The following SIPA1L2 variants were observed in gnomAD, a reference collection of about 807,000 sequenced individuals.
The protein encoded by SIPA1L2 is signal-induced proliferation-associated 1-like protein 2.
In SIPA1L2, 56 loss-of-function variants were observed where a neutral mutation model predicts 163.9. The observed-to-expected ratio is 0.34, with a 90% CI of 0.28 to 0.43. The LOEUF is 0.43. Ranked by LOEUF, SIPA1L2 falls within the 20% of genes least tolerant of loss-of-function variation. The pLI, the probability that SIPA1L2 is intolerant of heterozygous loss-of-function variation, is 1.00. For synonymous variants in SIPA1L2, 877 were observed against 865.7 expected (o/e 1.01, Z -0.23); for missense variants, 1,974 against 2,193.5 (o/e 0.90, Z 2.00).
At chr1:232,432,562 A>C in intron 15 of SIPA1L2, 91 bp from the exon 16 acceptor site, 1 of 1,239,646 alleles carries the variant, frequency 8.1e-7, no homozygotes, top group Non-Finnish European at 1.1e-6. Flanking sequence ...GCTTTACTCA[A>C]GTCTTTCTCC....
At chr1:232,429,885 G>C (rs1476513244) in intron 16 of SIPA1L2, among the ~76,000 whole-genome samples, 1 of 152,076 alleles carries the variant, frequency 6.6e-6, no homozygotes, top group Non-Finnish European at 1.5e-5. Context: ...AAAATCCCAG[G>C]TCCTACCAAT....
In SIPA1L2 at chr1:232,445,536, C is replaced by T. The variant is rs1479495880; in HGVS notation, c.3346G>A (p.Gly1116Ser). 7 of 1,613,658 alleles carry T rather than the reference C, an allele frequency of 4.3e-6. No individual in the cohort carries two copies. The highest frequency in any genetic ancestry group is 5.9e-6 in the Non-Finnish European group (7 of 1,179,896). ...STSFDRKLPD[G>S]TRSSPSNQSS... ...AAACGGAACCAGCATTACCTCGTGC[C>T]ATCGGGCAGCTTCCGGTCGAAGGAG... The change falls in exon 11 of 23, where the codon GGC becomes AGC. Residue 1116 changes from glycine to serine, a missense_variant. This residue lies in a region of SIPA1L2 where 1,079 missense variants were observed against 1,150.7 expected (regional missense o/e 0.94). Transcript: ENST00000674635.
At chr1:232,425,880 G>T (rs1661870949) in intron 17 of SIPA1L2, 72 bp from the exon 18 acceptor site, 1 of 1,345,058 alleles carries the variant, frequency 7.4e-7, no homozygotes, top group South Asian at 1.3e-5. Context: ...GTTGGACTAA[G>T]TCCAGTGGTT....
At chr1:232,430,311 A>C (rs1171620589) in intron 16 of SIPA1L2, among the ~76,000 whole-genome samples, 1 of 152,252 alleles carries the variant, frequency 6.6e-6, no homozygotes, top group East Asian at 1.9e-4. Context: ...ATTTAGGCAG[A>C]GGGAACAGCA....
chr1:232,455,313 C>A (rs4649262), intron 10 of SIPA1L2, among the ~76,000 whole-genome samples: 45,424 of 151,996 alleles, frequency 0.3, 7,406 homozygotes, highest in East Asian at 0.57. Flanking sequence ...GACACACGCA[C>A]GCATATGTTC....
Position 232,597,360 on chromosome 1 carries a change from G to A in SIPA1L2, c.-318-23138C>T, listed in dbSNP as rs529149556. On this transcript the variant is annotated intron_variant, in intron 1 of 22. Transcript: ENST00000674635. ...CAGCAGCCTCTATGGTGGGACTCAG[G>A]GGCCTGAACATCAACCTAAAGAAGT... Among the ~76,000 whole-genome samples, 10 of 152,094 alleles carry A rather than the reference G, an allele frequency of 6.6e-5. No homozygotes were observed. In the East Asian group the frequency reaches 1.9e-3, roughly 30 times the overall value.
At chr1:232,599,090 T>C (rs1204331853) in intron 1 of SIPA1L2, among the ~76,000 whole-genome samples, 3 of 152,096 alleles carry the variant, frequency 2.0e-5, no homozygotes, top group Non-Finnish European at 2.9e-5. Flanking sequence ...TTCAATAACA[T>C]TAGTTCCCTT....
intron 2 of SIPA1L2, among the ~76,000 whole-genome samples, chr1:232,534,516 A>G (rs1464752529): frequency 6.6e-6 from 1 of 152,260 alleles, no homozygotes; most frequent in East Asian, 1.9e-4. Context: ...AGTACAGGCA[A>G]CAACAACAAA....
chr1:232,564,232 T>TGTGTGTG (rs1167985647), intron 2 of SIPA1L2, among the ~76,000 whole-genome samples: 1 of 73,062 alleles, frequency 1.4e-5, no homozygotes, highest in African/African-American at 7.9e-5. Flanking sequence ...TTTTTTTTTT[T>TGTGTGTG]TTCGTGTGTG....
chr1:232,402,970 G>A (rs910264262), intron 21 of SIPA1L2, among the ~76,000 whole-genome samples: 3 of 152,224 alleles, frequency 2.0e-5, no homozygotes, highest in African/African-American at 7.2e-5. Flanking sequence ...TGAATATAGG[G>A]GAAAGAGTGG....
intron 2 of SIPA1L2, among the ~76,000 whole-genome samples, chr1:232,562,900 C>T (rs1020923938): frequency 6.6e-6 from 1 of 152,168 alleles, no homozygotes; most frequent in African/African-American, 2.4e-5. Context: ...AATTAGCCAC[C>T]TAACAAACAC....
At chr1:232,535,246 G>A (rs1012569231) in intron 2 of SIPA1L2, among the ~76,000 whole-genome samples, 1 of 151,620 alleles carries the variant, frequency 6.6e-6, no homozygotes, top group African/African-American at 2.4e-5. Flanking sequence ...CACAACATAT[G>A]TTTTTTTTTA....
intron 10 of SIPA1L2, among the ~76,000 whole-genome samples, chr1:232,449,244 C>T (rs537814892): frequency 7.1e-4 from 108 of 152,204 alleles, no homozygotes; most frequent in African/African-American, 1.9e-3. Flanking sequence ...ACTGGCCGGG[C>T]GCGGTGGCTC....
Position 232,465,470 on chromosome 1 carries a change from T to A in SIPA1L2, c.2244-54A>T, listed in dbSNP as rs545973847. On this transcript the variant is annotated intron_variant, in intron 8 of 22. Transcript: ENST00000674635. The surrounding 1 kb of genome is among the most constrained non-coding windows in gnomAD (Gnocchi z 4.1). Reference sequence around the variant, plus strand: ...AGATGAGCTATGATACCATAATATGTATCTTTCCGAATTTGACATATATAT... The same window carrying A: ...AGATGAGCTATGATACCATAATATGAATCTTTCCGAATTTGACATATATAT... 3.4e-6 allele frequency: 5 copies of A among 1,482,420 alleles called. No individual in the cohort carries two copies. The highest frequency in any genetic ancestry group is 4.0e-5 in the Admixed American group (2 of 49,976). 91.8% of individuals were successfully genotyped at this position (1,482,420 alleles called of 1,614,324 possible).
intron 1 of SIPA1L2, among the ~76,000 whole-genome samples, chr1:232,618,959 T>C (rs1662652718): frequency 6.6e-6 from 1 of 152,230 alleles, no homozygotes; most frequent in African/African-American, 2.4e-5. Context: ...TCTTACGTGA[T>C]AGACAAAGTA....
intron 2 of SIPA1L2, among the ~76,000 whole-genome samples, chr1:232,553,862 C>A (rs1276752049): frequency 2.0e-5 from 3 of 152,102 alleles, no homozygotes; most frequent in African/African-American, 7.2e-5. Flanking sequence ...TGTAAGTGAT[C>A]AACAAAAACT....
At chr1:232,518,444 C>G (rs191133700) in intron 2 of SIPA1L2, among the ~76,000 whole-genome samples, 1 of 152,298 alleles carries the variant, frequency 6.6e-6, no homozygotes, top group East Asian at 1.9e-4. Context: ...CTTGTAACTC[C>G]TCCCCTGAGA....
chr1:232,424,300 AT>A (rs1355722036), intron 18 of SIPA1L2, among the ~76,000 whole-genome samples: 5 of 98,080 alleles, frequency 5.1e-5, no homozygotes, highest in Admixed American at 1.5e-4. Context: ...TAAGAAGTCT[AT>A]TTTTTTTTAA....
intron 1 of SIPA1L2, among the ~76,000 whole-genome samples, chr1:232,590,794 A>G (rs1660920069): frequency 6.6e-6 from 1 of 152,260 alleles, no homozygotes; most frequent in Non-Finnish European, 1.5e-5. Flanking sequence ...AGTCAGTCAT[A>G]TCGAACAGTG....
Sources: gnomAD v4.1 joint callset for allele counts (sites outside exome capture counted in the v4.1 genomes callset) on GRCh38, gnomAD v4.1.1 for gene constraint, gnomAD v4.1.1 regional missense constraint, Gnocchi (gnomAD v3.1) non-coding constraint, MANE v1.5 for transcripts, NCBI Gene and HGNC (gene_info 2026-07-23, HGNC 2026-07-21) for gene names.